Variants in CRACR2A observed in about 807,000 individuals in gnomAD.
CRACR2A encodes the protein EF-hand calcium-binding domain-containing protein 4B.
Under a neutral mutation model 90.5 loss-of-function variants are expected in CRACR2A, and 79 were observed. The ratio of observed to expected loss-of-function variants is 0.87; its 90% CI spans 0.73 to 1.05. The LOEUF (loss-of-function observed/expected upper bound fraction) is 1.05. Among genes scored for constraint, CRACR2A ranks in the 50% least tolerant of loss-of-function variants. CRACR2A has a pLI of 0.00. For missense variants in CRACR2A, 823 were observed against 897.2 expected (o/e 0.92, Z 1.06); for synonymous variants, 338 against 356.7 (o/e 0.95, Z 0.59).
chr12:3,676,863 A>G (rs547852887), intron 6 of CRACR2A, among the ~76,000 whole-genome samples: 1 of 152,274 alleles, frequency 6.6e-6, no homozygotes, highest in South Asian at 2.1e-4. Context: ...CAGGTTCCTG[A>G]TGGAGCCAAC....
intron 4 of CRACR2A, among the ~76,000 whole-genome samples, chr12:3,690,202 T>A (rs1407320716): frequency 6.6e-6 from 1 of 152,188 alleles, no homozygotes; most frequent in Non-Finnish European, 1.5e-5. Flanking sequence ...TTCTGCCAGC[T>A]TTAGGATTGG....
intron 11 of CRACR2A, among the ~76,000 whole-genome samples, chr12:3,644,884 A>C (rs1279575631): frequency 6.6e-6 from 1 of 152,180 alleles, no homozygotes; most frequent in Non-Finnish European, 1.5e-5. Context: ...CATCAGGATT[A>C]TGCATGGCCT....
chr12:3,687,460 G>C (rs957654790), intron 4 of CRACR2A, among the ~76,000 whole-genome samples: 13 of 152,102 alleles, frequency 8.5e-5, no homozygotes, highest in Admixed American at 6.6e-4. Flanking sequence ...TTGATTTTCT[G>C]TTCCTGAATT....
chr12:3,642,084 GC>G lies in CRACR2A; in HGVS notation c.1165-247del, dbSNP rs555459569. 2.2e-3 allele frequency among the ~76,000 whole-genome samples: 333 copies of G among 152,238 alleles called. 1 individual carries two copies. The highest frequency in any genetic ancestry group is 7.6e-3 in the African/African-American group (315 of 41,528). ...ACAAGTGCACAGTTTACAGCCTGGG[GC>G]CCATCATGCTATTCACAGGAGCACT... On this transcript the variant is annotated intron_variant, in intron 12 of 19. Coordinates refer to ENST00000440314, the MANE Select transcript of CRACR2A (RefSeq NM_001144958.2).
At chr12:3,657,677 T>C (rs1402570784) in intron 8 of CRACR2A, among the ~76,000 whole-genome samples, 1 of 152,182 alleles carries the variant, frequency 6.6e-6, no homozygotes, top group Non-Finnish European at 1.5e-5. Context: ...TTCCAGAGAA[T>C]CAGCCCCAGG....
chr12:3,742,323 A>C (rs1004067418), intron 1 of CRACR2A, among the ~76,000 whole-genome samples: 1 of 151,860 alleles, frequency 6.6e-6, no homozygotes, highest in South Asian at 2.1e-4. Flanking sequence ...ATCTTCTTCC[A>C]CTCTATAGCT....
intron 12 of CRACR2A, among the ~76,000 whole-genome samples, chr12:3,643,823 TATATATAA>T: frequency 9.2e-6 from 1 of 108,218 alleles, no homozygotes; most frequent in African/African-American, 3.6e-5. Flanking sequence ...ATATTTATAT[TATATATAA>T]ATATATATAA....
chr12:3,721,221 C>T (rs539171260), intron 2 of CRACR2A, among the ~76,000 whole-genome samples: 1 of 152,062 alleles, frequency 6.6e-6, no homozygotes, highest in South Asian at 2.1e-4. Context: ...GTAAAAGATG[C>T]TGTGTTAGGA....
At chr12:3,648,162 G>A (rs1223673823) in intron 11 of CRACR2A, 9 of 1,063,832 alleles carry the variant, frequency 8.5e-6, no homozygotes, top group Non-Finnish European at 9.1e-6. Flanking sequence ...TCCTGTGAAT[G>A]AACTGCCCTA....
intron 1 of CRACR2A, among the ~76,000 whole-genome samples, chr12:3,745,718 C>T (rs1232223345): frequency 1.3e-5 from 2 of 148,842 alleles, no homozygotes; most frequent in Admixed American, 1.4e-4. Flanking sequence ...AGGTAGGTTG[C>T]AGTGAGCCAA....
chr12:3,660,438 G>A (rs1340744178), intron 7 of CRACR2A, among the ~76,000 whole-genome samples: 4 of 151,988 alleles, frequency 2.6e-5, no homozygotes, highest in African/African-American at 4.8e-5. Flanking sequence ...CCTCTCCCCC[G>A]TCAGAAAGTA....
intron 7 of CRACR2A, among the ~76,000 whole-genome samples, chr12:3,660,173 G>C (rs1393160495): frequency 1.3e-5 from 2 of 152,076 alleles, no homozygotes; most frequent in African/African-American, 4.8e-5. Context: ...CACTCTCAGG[G>C]GACTCTCCCT....
intron 1 of CRACR2A, among the ~76,000 whole-genome samples, chr12:3,749,795 T>TTTTGTG (rs1946678789): frequency 1.4e-5 from 2 of 144,580 alleles, no homozygotes; most frequent in Admixed American, 1.4e-4. Context: ...TGCTGTTTCT[T>TTTTGTG]TGTGTGTGTG....
chr12:3,652,076 A>G (rs1944803540), intron 10 of CRACR2A, among the ~76,000 whole-genome samples: 1 of 145,446 alleles, frequency 6.9e-6, no homozygotes, highest in African/African-American at 2.5e-5. Context: ...TCTTCCTCCC[A>G]ACCCTCCCTC....
chr12:3,721,363 G>A (rs555770153), intron 2 of CRACR2A, among the ~76,000 whole-genome samples: 1,444 of 108,622 alleles, frequency 0.013, 21 homozygotes, highest in African/African-American at 0.051. Context: ...GCAAGACCCC[G>A]TCTCTACAAA....
At chr12:3,689,067 G>C (rs1945611393) in intron 4 of CRACR2A, among the ~76,000 whole-genome samples, 1 of 152,222 alleles carries the variant, frequency 6.6e-6, no homozygotes. Context: ...TGTTGAAGTT[G>C]TTTATCAGCT....
At chr12:3,728,513 C>T (rs562796196) in intron 2 of CRACR2A, 8 of 152,368 alleles carry the variant, frequency 5.3e-5, no homozygotes, top group South Asian at 4.1e-4. Flanking sequence ...GGGCAAGTCC[C>T]GTTGCTGAGG....
At chr12:3,670,025 C>T (rs1945212600) in intron 7 of CRACR2A, among the ~76,000 whole-genome samples, 3 of 152,218 alleles carry the variant, frequency 2.0e-5, no homozygotes, top group Admixed American at 2.0e-4. Flanking sequence ...TCTGGTCTGT[C>T]TTGTGCAGAA....
chr12:3,676,539 G>A (rs995589468), intron 6 of CRACR2A, among the ~76,000 whole-genome samples: 2 of 152,088 alleles, frequency 1.3e-5, no homozygotes, highest in Non-Finnish European at 2.9e-5. Flanking sequence ...CCTCACGAAT[G>A]GCACTAGTGC....
Sources: allele counts gnomAD v4.1 joint callset (sites outside exome capture counted in the v4.1 genomes callset), GRCh38; gene constraint gnomAD v4.1.1; transcripts MANE v1.5; gene names NCBI Gene and HGNC (gene_info 2026-07-23, HGNC 2026-07-21).